Variants in BARD1 observed in about 807,000 individuals in gnomAD.
BARD1 encodes BRCA1 associated RING domain 1.
BARD1 carries 73 observed loss-of-function variants against 77.0 expected under a neutral mutation model. The ratio of observed to expected loss-of-function variants is 0.95; its 90% CI spans 0.79 to 1.15. The LOEUF is 1.15. BARD1 is among the 50% of genes most tolerant of loss of function. The pLI, the probability that BARD1 is intolerant of heterozygous loss-of-function variation, is 0.00. For missense variants in BARD1, 993 were observed against 938.8 expected (o/e 1.06, Z -0.75); for synonymous variants, 384 against 338.0 (o/e 1.14, Z -1.49).
At chr2:214,769,137 TA>T in intron 5 of BARD1, 94 bp downstream of exon 5, 2 of 988,682 alleles carry the variant, frequency 2.0e-6, no homozygotes, top group East Asian at 2.5e-5. Context: ...AAAAAGAGTA[TA>T]TGTGGCAGAG....
At chr2:214,738,411 A>G (rs1394008275) in intron 9 of BARD1, among the ~76,000 whole-genome samples, 1 of 152,204 alleles carries the variant, frequency 6.6e-6, no homozygotes, top group Admixed American at 6.5e-5. Context: ...GAATTTTTGC[A>G]TAATAATGAC....
At chr2:214,751,097 GTGTGTGTGTGTGTGTGTGTGTATATATA>G (rs1193593813) in intron 7 of BARD1, among the ~76,000 whole-genome samples, 5 of 11,068 alleles carry the variant, frequency 4.5e-4, no homozygotes, top group African/African-American at 9.9e-4. Context: ...GTGTGTGTGT[GTGTGTGTGTGTGTGTGTGTGTATATATA>G]TATATATATA....
At chr2:214,732,968 A>G (rs184498918) in intron 9 of BARD1, among the ~76,000 whole-genome samples, 46 of 152,312 alleles carry the variant, frequency 3.0e-4, no homozygotes, top group South Asian at 2.1e-3. Context: ...CCTCTTTATA[A>G]AATGTTTTAT....
In BARD1 at chr2:214,769,276, C is replaced by T. The variant is rs1427457132; in HGVS notation, c.1351G>A (p.Gly451Arg). 3 of 1,613,626 alleles carry T rather than the reference C, an allele frequency of 1.9e-6. No homozygotes were observed. The highest frequency in any genetic ancestry group is 2.5e-6 in the Non-Finnish European group (3 of 1,179,730). Residue 451 changes from glycine to arginine, a missense_variant, in exon 5 of 11, where the codon GGA (glycine) becomes AGA (arginine). Physicochemically the swap from Gly to Arg is moderately radical, Grantham distance 125. Coordinates refer to ENST00000260947, the MANE Select transcript of BARD1 (RefSeq NM_000465.4). ...TGGTCTTTAACATTTGGATCACTTC[C>T]ATTTTGTAAAAGGTATTCAACAGAA... is the stretch of plus-strand genomic sequence containing the variant. ...IPSVEYLLQN[G>R]SDPNVKDHAG...
At position 214,755,970 on chromosome 2, in the gene BARD1, C is replaced by T. The variant is rs578122474; in HGVS notation, c.1569-3415G>A. On this transcript the variant is annotated intron_variant, in intron 6 of 10. Transcript: ENST00000260947. The stretch of plus-strand genomic sequence containing the variant: ...AGTATATTAATATCTTTTACATGTA[C>T]CACTTTCGACAGTCAGTTCTTTTAA... Among the ~76,000 whole-genome samples, 6 of 152,262 alleles carry T rather than the reference C, an allele frequency of 3.9e-5. No homozygotes were observed. In the South Asian group the frequency reaches 1.2e-3, roughly 32 times the overall value.
At chr2:214,775,641 A>C (rs74842268) in intron 4 of BARD1, among the ~76,000 whole-genome samples, 2,798 of 152,316 alleles carry the variant, frequency 0.018, 79 homozygotes, top group African/African-American at 0.061. Context: ...GGATTGCCAA[A>C]AAACACAAAA....
At position 214,769,332 on chromosome 2, in the gene BARD1, G is replaced by A. The variant is rs778052469; in HGVS notation, c.1315-20C>T. 2.4e-5 allele frequency: 38 copies of A among 1,580,310 alleles called. 1 individual carries two copies. In the South Asian group the frequency reaches 2.9e-4, roughly 12 times the overall value. Reference sequence around the variant, plus strand: ...GTCGCCCTAGAAAAATGAACAAAACGGAAATTAAAAAGCATTAAGGAAAGA... The same window carrying A: ...GTCGCCCTAGAAAAATGAACAAAACAGAAATTAAAAAGCATTAAGGAAAGA... On this transcript the variant is annotated intron_variant, in intron 4 of 10. Transcript: ENST00000260947.
chr2:214,756,130 T>C (rs903858239), intron 6 of BARD1, among the ~76,000 whole-genome samples: 1 of 152,152 alleles, frequency 6.6e-6, no homozygotes, highest in African/African-American at 2.4e-5. Context: ...TTCCCAATGC[T>C]GGAGGTGGGG....
chr2:214,775,194 C>T (rs530937012), intron 4 of BARD1, among the ~76,000 whole-genome samples: 1 of 152,290 alleles, frequency 6.6e-6, no homozygotes, highest in Non-Finnish European at 1.5e-5. Flanking sequence ...AGAGACCTAG[C>T]TTTTGGCCTA....
At chr2:214,752,307 A>G in intron 7 of BARD1, 140 bp downstream of exon 7, 1 of 683,982 alleles carries the variant, frequency 1.5e-6, no homozygotes, top group Non-Finnish European at 2.6e-6. Flanking sequence ...TTGAATCCAC[A>G]GTAGCTAATA....
rs777491507 is a variant in BARD1, at chr2:214,809,484, T to G, written c.86A>C (p.Asp29Ala). 3.1e-6 allele frequency: 5 copies of G among 1,609,244 alleles called. No homozygotes were observed. Among genetic ancestry groups the G allele is most frequent in the Middle Eastern group, 3.3e-4 (2 of 6,056 alleles). Reference sequence around the variant, plus strand: ...ACTGTGGGCCCAGGCACCGCGACCATCCGGTTCCATGGCGGGCGCGGAACG... The same window carrying G: ...ACTGTGGGCCCAGGCACCGCGACCAGCCGGTTCCATGGCGGGCGCGGAACG... ...EPRSAPAMEP[D>A]GRGAWAHSRA... Residue 29 changes from aspartate to alanine, a missense_variant, in exon 1 of 11, where the codon GAT (aspartate) becomes GCT (alanine). Transcript: ENST00000260947.
At chr2:214,778,521 A>ATT (rs1270230033) in intron 4 of BARD1, among the ~76,000 whole-genome samples, 1 of 152,186 alleles carries the variant, frequency 6.6e-6, no homozygotes, top group Admixed American at 6.5e-5. Flanking sequence ...TCTTGAACGT[A>ATT]TTAATAGAGA....
intron 10 of BARD1, among the ~76,000 whole-genome samples, chr2:214,729,436 T>C (rs564142780): frequency 1.3e-5 from 2 of 152,280 alleles, no homozygotes; most frequent in East Asian, 1.9e-4. Flanking sequence ...GAATGCTCCA[T>C]CTGTAACAAT....
chr2:214,756,655 T>G (rs6746516), intron 6 of BARD1, among the ~76,000 whole-genome samples: 82,360 of 152,010 alleles, frequency 0.54, 22,552 homozygotes, highest in Non-Finnish European at 0.57. Context: ...GCCATAAAAA[T>G]GAATGAACTA....
rs876660284 is a variant in BARD1 at position 214,780,929 on chromosome 2, T to A, written c.945A>T (p.Pro315=). ...GGCCACGTTTTCCATTATTTTCTAATGGCAAAGATTTCTTAGATGTAAGAT... is the reference window on the plus strand; with the variant it reads ...GGCCACGTTTTCCATTATTTTCTAAAGGCAAAGATTTCTTAGATGTAAGAT... The part of the protein sequence containing the change: ...KNYLTSKKSL[P]LENNGKRGHH... Residue 315 remains proline (P), a synonymous_variant, in exon 4 of 11, where the codon CCA becomes CCT. Transcript: ENST00000260947. 5 of 1,613,878 alleles carry A rather than the reference T, an allele frequency of 3.1e-6. No homozygotes were observed. The African/African-American group carries it at 5.3e-5, about 17-fold the overall frequency.
In BARD1 at chr2:214,767,478, T is replaced by A; in HGVS notation, c.1568+4A>T. 6.2e-7 allele frequency: 1 copy of A among 1,612,622 alleles called. No individual in the cohort carries two copies. The highest frequency in any genetic ancestry group is 1.7e-4 in the Middle Eastern group (1 of 6,060). ...AAAAATAATTTTTACGTTGAACTAC[T>A]TACACAGCATTTCTGGAGGCTCCAT... On this transcript the variant is annotated splice_donor_region_variant and intron_variant, in intron 6 of 10. Coordinates refer to ENST00000260947, the MANE Select transcript of BARD1 (RefSeq NM_000465.4).
chr2:214,753,555 A>G (rs757834835), intron 6 of BARD1, among the ~76,000 whole-genome samples: 9 of 152,152 alleles, frequency 5.9e-5, no homozygotes, highest in Non-Finnish European at 1.3e-4. Flanking sequence ...AATTCTGTAA[A>G]TTGTATCAAA....
chr2:214,767,711 ATAT>A, intron 5 of BARD1, 57 bp from the exon 6 acceptor site: 2 of 1,457,020 alleles, frequency 1.4e-6, no homozygotes, highest in Non-Finnish European at 1.9e-6. Flanking sequence ...GCAATGGATG[ATAT>A]TATAATATCA....
intron 6 of BARD1, among the ~76,000 whole-genome samples, chr2:214,760,600 G>A (rs1484855557): frequency 6.6e-6 from 1 of 151,988 alleles, no homozygotes; most frequent in African/African-American, 2.4e-5. Flanking sequence ...CTAACTCTAT[G>A]GCTGGATTTT....
Sources: gnomAD v4.1 joint callset for allele counts (sites outside exome capture counted in the v4.1 genomes callset) on GRCh38, gnomAD v4.1.1 for gene constraint, MANE v1.5 for transcripts, NCBI Gene and HGNC (gene_info 2026-07-23, HGNC 2026-07-21) for gene names.